The following IMMT variants were observed in gnomAD, a reference collection of about 807,000 sequenced individuals.
The protein encoded by IMMT is MICOS complex subunit MIC60.
A neutral mutation model predicts 92.7 loss-of-function variants in IMMT; 40 were observed. The ratio of observed to expected loss-of-function variants is 0.43; its 90% CI spans 0.34 to 0.56. The LOEUF (loss-of-function observed/expected upper bound fraction) is 0.56. IMMT is among the 20% of genes least tolerant of loss of function. The pLI is 0.03. For missense variants in IMMT, 831 were observed against 912.1 expected, an observed-to-expected ratio of 0.91 and a Z score of 1.14; for synonymous variants, 322 against 336.1, an observed-to-expected ratio of 0.96 and a Z score of 0.46.
intron 4 of IMMT, chr2:86,171,616 G>C (rs1174643712): frequency 5.8e-6 from 2 of 345,052 alleles, no homozygotes; most frequent in African/African-American, 4.1e-5. Flanking sequence ...TCCAGGCAAG[G>C]CTTATAATAA....
intron 14 of IMMT, among the ~76,000 whole-genome samples, chr2:86,145,426 C>G (rs972007065): frequency 3.6e-5 from 5 of 137,340 alleles, no homozygotes; most frequent in African/African-American, 1.1e-4. Flanking sequence ...ACCCAGGAGG[C>G]GGAGGCTGCA....
chr2:86,153,304 TACACACACACACACAC>T lies in IMMT; in HGVS notation c.1177+240_1177+255del, dbSNP rs10572745. Among the ~76,000 whole-genome samples, 3 of 143,840 alleles carry T rather than the reference TACACACACACACACAC, an allele frequency of 2.1e-5. No homozygotes were observed. In the South Asian group the frequency reaches 6.7e-4, roughly 32 times the overall value. The allele number at this position is 143,840 out of a possible 152,430, so 94.4% of individuals were successfully genotyped here. ...CAAAGTAATCAGTTACAATCCATAT[TACACACACACACACAC>T]ACACACACACACACACACACACTTC... On this transcript the variant is annotated intron_variant, in intron 11 of 14. Coordinates refer to ENST00000410111, the MANE Select transcript of IMMT (RefSeq NM_006839.3).
chr2:86,166,727 T>C, intron 6 of IMMT, 83 bp from the exon 7 acceptor site: 1 of 1,285,000 alleles, frequency 7.8e-7, no homozygotes, highest in Non-Finnish European at 1.0e-6. Context: ...CTATCTAGTC[T>C]TCCATTGCAT....
At chr2:86,191,035 G>A (rs1455290335) in intron 1 of IMMT, among the ~76,000 whole-genome samples, 2 of 152,028 alleles carry the variant, frequency 1.3e-5, no homozygotes, top group African/African-American at 4.8e-5. Context: ...GTTTTTGGAT[G>A]AGATTAACAT....
intron 13 of IMMT, among the ~76,000 whole-genome samples, chr2:86,146,713 G>A (rs1431403473): frequency 6.6e-6 from 1 of 151,940 alleles, no homozygotes; most frequent in Non-Finnish European, 1.5e-5. Flanking sequence ...TATTAGAGGA[G>A]GCATACCAAG....
chr2:86,168,206 A>G (rs1676848737), intron 6 of IMMT, among the ~76,000 whole-genome samples: 1 of 152,242 alleles, frequency 6.6e-6, no homozygotes, highest in Non-Finnish European at 1.5e-5. Flanking sequence ...ATCTATTAAG[A>G]TCACATTTCT....
At chr2:86,152,440 C>CAAAAAAAAAAAA (rs772186185) in intron 11 of IMMT, among the ~76,000 whole-genome samples, 2 of 76,846 alleles carry the variant, frequency 2.6e-5, no homozygotes, top group African/African-American at 5.4e-5. Flanking sequence ...GACTCCATCT[C>CAAAAAAAAAAAA]AAAAAAAAAA....
At chr2:86,149,895 A>AAAAG (rs1250609967) in intron 12 of IMMT, among the ~76,000 whole-genome samples, 2 of 148,868 alleles carry the variant, frequency 1.3e-5, no homozygotes, top group African/African-American at 2.5e-5. Context: ...AAAAAAAAAA[A>AAAAG]AAAGAAAGAA....
chr2:86,193,870 A>C (rs1673344324), intron 1 of IMMT, among the ~76,000 whole-genome samples: 1 of 152,210 alleles, frequency 6.6e-6, no homozygotes, highest in South Asian at 2.1e-4. Flanking sequence ...ATGGGATCCC[A>C]AAAAGTTGAC....
At chr2:86,179,140 T>C (rs927864288) in intron 3 of IMMT, among the ~76,000 whole-genome samples, 1 of 152,228 alleles carries the variant, frequency 6.6e-6, no homozygotes, top group Non-Finnish European at 1.5e-5. Flanking sequence ...TTTCTTGTCA[T>C]CATTCCCTAA....
intron 1 of IMMT, among the ~76,000 whole-genome samples, chr2:86,183,346 T>C (rs952884072): frequency 3.9e-5 from 6 of 152,206 alleles, no homozygotes; most frequent in African/African-American, 1.4e-4. Flanking sequence ...TCTTGCTATG[T>C]TGACCAGGCT....
At chr2:86,161,124 A>G (rs895825808) in intron 8 of IMMT, among the ~76,000 whole-genome samples, 21 of 151,634 alleles carry the variant, frequency 1.4e-4, no homozygotes, top group Non-Finnish European at 2.8e-4. Context: ...AATCCTTTAT[A>G]TAAGTTTCTG....
rs201423203 is a variant in IMMT at position 86,159,906 on chromosome 2, AAAAG to A, written c.897-239_897-236del. ...ATGCCTCTATTTTATTAAAAAAACT[AAAAG>A]AAAAGTCAATGAAAGAAATGTAATT... On this transcript the variant is annotated intron_variant, in intron 8 of 14. Transcript: ENST00000410111. 4.9e-4 allele frequency: 160 copies of A among 324,858 alleles called. No individual in the cohort carries two copies. The East Asian group carries it at 6.2e-3, about 13-fold the overall frequency. 20.1% of individuals were successfully genotyped at this position (324,858 alleles called of 1,614,324 possible).
chr2:86,195,276 C>T lies in IMMT; in HGVS notation c.45+62G>A, dbSNP rs1045899703. On this transcript the variant is annotated intron_variant, in intron 1 of 14. Transcript: ENST00000410111. ...GGCTAGGCAGCGACCAAGGCTCCCC[C>T]GTTTTTCGCTGACGGTTCTAGTTCA... 1.0e-4 allele frequency: 145 copies of T among 1,449,754 alleles called. No homozygotes were observed. In the African/African-American group the frequency reaches 1.7e-3, roughly 17 times the overall value. The allele number at this position is 1,449,754 out of a possible 1,614,324, so 89.8% of individuals were successfully genotyped here.
In IMMT at chr2:86,146,204, T is replaced by A; in HGVS notation, c.1534-7A>T. 1.9e-6 allele frequency: 3 copies of A among 1,599,212 alleles called. No individual in the cohort carries two copies. Among genetic ancestry groups the A allele is most frequent in the Non-Finnish European group, 2.6e-6 (3 of 1,169,756 alleles). On this transcript the variant is annotated splice_polypyrimidine_tract_variant and splice_region_variant and intron_variant, in intron 13 of 14. Coordinates refer to ENST00000410111, the MANE Select transcript of IMMT (RefSeq NM_006839.3). Reference sequence around the variant, plus strand: ...AGAGTTTCTCAGACAGGTTCTGAAATAAAACAGAAATAGTTCCAGAAAAAA... The same window carrying A: ...AGAGTTTCTCAGACAGGTTCTGAAAAAAAACAGAAATAGTTCCAGAAAAAA...
chr2:86,178,755 A>G (rs1344215929), intron 3 of IMMT, among the ~76,000 whole-genome samples: 1 of 152,148 alleles, frequency 6.6e-6, no homozygotes, highest in Non-Finnish European at 1.5e-5. Flanking sequence ...TTGAAAAAGT[A>G]TATTTTTTAA....
Position 86,159,576 on chromosome 2 carries a change from A to G in IMMT, c.992T>C (p.Leu331Pro). 1 of 1,610,052 alleles carries G rather than the reference A, an allele frequency of 6.2e-7. No homozygotes were observed. The change falls in exon 9 of 15, where the codon CTT becomes CCT. Residue 331 changes from leucine (L) to proline (P), a missense_variant. Physicochemically the swap from Leu to Pro is moderately conservative, Grantham distance 98 (BLOSUM62 -3). Transcript: ENST00000410111. ...ATCCAGATCAACTATCATGTTGTGA[A>G]GTTTACCCTCTGCAGCAGTTATATG... ...KPHITAAEGK[L>P]HNMIVDLDNV...
intron 10 of IMMT, chr2:86,158,336 A>AC (rs1279238940): frequency 4.0e-6 from 1 of 248,520 alleles, no homozygotes; most frequent in African/African-American, 2.2e-5. Context: ...TTGAGTAGCA[A>AC]ATATCAGAAC....
chr2:86,191,473 C>A (rs1323014233), intron 1 of IMMT, among the ~76,000 whole-genome samples: 5 of 152,118 alleles, frequency 3.3e-5, no homozygotes, highest in Non-Finnish European at 5.9e-5. Flanking sequence ...ACTGCACCAT[C>A]CACTCTCCTG....
Sources: allele counts gnomAD v4.1 joint callset (sites outside exome capture counted in the v4.1 genomes callset), GRCh38; gene constraint gnomAD v4.1.1; transcripts MANE v1.5; gene names NCBI Gene and HGNC (gene_info 2026-07-23, HGNC 2026-07-21).